Variants in CC2D2A observed in about 807,000 individuals in gnomAD.
The protein encoded by CC2D2A is coiled-coil and C2 domain-containing protein 2A.
In CC2D2A, 155 loss-of-function variants were observed where a neutral mutation model predicts 212.9. The ratio of observed to expected loss-of-function variants is 0.73; its 90% CI spans 0.64 to 0.83. CC2D2A has a LOEUF of 0.83. CC2D2A is among the 40% of genes least tolerant of loss of function. CC2D2A has a pLI of 0.00. For missense variants in CC2D2A, 1,856 were observed against 1,956.2 expected, an observed-to-expected ratio of 0.95 and a Z score of 0.97; for synonymous variants, 667 against 686.5, an observed-to-expected ratio of 0.97 and a Z score of 0.44.
chr4:15,540,442 C>A (rs762954935), intron 16 of CC2D2A, among the ~76,000 whole-genome samples: 1 of 152,136 alleles, frequency 6.6e-6, no homozygotes, highest in African/African-American at 2.4e-5. Context: ...CTACAATATG[C>A]TGCTGTATTT....
intron 14 of CC2D2A, among the ~76,000 whole-genome samples, 192 bp from the exon 15 acceptor site, chr4:15,536,728 A>G (rs148053270): frequency 5.9e-4 from 90 of 152,264 alleles, no homozygotes; most frequent in African/African-American, 1.9e-3. Context: ...CTTAACTTCT[A>G]TGTGCCTCTG....
At chr4:15,479,422 C>A in intron 3 of CC2D2A, 3 of 1,035,938 alleles carry the variant, frequency 2.9e-6, no homozygotes, top group Non-Finnish European at 2.9e-6. Context: ...AAGATGCCAG[C>A]AGGGGAGGGA....
Position 15,478,729 on chromosome 4 carries a change from A to G in CC2D2A, c.46A>G (p.Ile16Val). ...EKVKIITEEF[I>V]ENDEDADMGR... ...CTTTTGCATTTTCACAAAGGAGTTC[A>G]TTGAAAATGATGAGGATGCAGACAT... The change falls in exon 3 of 37, where the codon ATT (isoleucine) becomes GTT (valine). Residue 16 changes from isoleucine to valine, a missense_variant. By Grantham distance (29) the Ile-to-Val change is conservative. Coordinates refer to ENST00000424120, the MANE Select transcript of CC2D2A (RefSeq NM_001378615.1). The G allele has an allele frequency of 6.4e-7, 1 of 1,553,496 alleles. No individual in the cohort carries two copies. Among genetic ancestry groups the G allele is most frequent in the Non-Finnish European group, 8.7e-7 (1 of 1,147,930 alleles).
chr4:15,515,189 T>C (rs1434826070), intron 9 of CC2D2A, among the ~76,000 whole-genome samples: 1 of 152,182 alleles, frequency 6.6e-6, no homozygotes, highest in East Asian at 1.9e-4. Flanking sequence ...CTTCCCTAAG[T>C]CACCATCTCC....
Position 15,560,596 on chromosome 4 carries a change from A to C in CC2D2A, c.2988A>C (p.Ile996=), listed in dbSNP as rs1410885818. The C allele has an allele frequency of 6.8e-7, 1 of 1,479,816 alleles. No individual in the cohort carries two copies. The highest frequency in any genetic ancestry group is 9.3e-7 in the Non-Finnish European group (1 of 1,075,088). 91.7% of individuals were successfully genotyped at this position (1,479,816 alleles called of 1,614,324 possible). Reference sequence around the variant, plus strand: ...AATATTTTCTTCTTGCTGATATGATAGTAGAAGAAGAAGTTCCCAATATCA... The same window carrying C: ...AATATTTTCTTCTTGCTGATATGATCGTAGAAGAAGAAGTTCCCAATATCA... The part of the protein sequence containing the change: ...AKQYFLLADM[I]VEEEVPNISI... The change falls in exon 23 of 37, where the codon ATA becomes ATC. Residue 996 remains isoleucine (I), a synonymous_variant. Coordinates refer to ENST00000424120, the MANE Select transcript of CC2D2A (RefSeq NM_001378615.1).
intron 13 of CC2D2A, among the ~76,000 whole-genome samples, chr4:15,531,391 T>C (rs143658184): frequency 1.3e-5 from 2 of 152,368 alleles, no homozygotes; most frequent in African/African-American, 4.8e-5. Flanking sequence ...CTCATCATTC[T>C]TTGACCATCA....
At chr4:15,493,067 G>T in intron 4 of CC2D2A, 1 of 361,460 alleles carries the variant, frequency 2.8e-6, no homozygotes, top group Non-Finnish European at 5.4e-6. Flanking sequence ...CAATTTTTGG[G>T]TTCCCCATTT....
At chr4:15,565,535 C>A (rs1373478122) in intron 24 of CC2D2A, among the ~76,000 whole-genome samples, 1 of 151,818 alleles carries the variant, frequency 6.6e-6, no homozygotes, top group East Asian at 1.9e-4. Flanking sequence ...GAAGTGTTAT[C>A]TTCATCTTAA....
chr4:15,567,541 G>A, intron 25 of CC2D2A, 59 bp downstream of exon 25: 2 of 1,454,680 alleles, frequency 1.4e-6, no homozygotes, highest in Non-Finnish European at 1.9e-6. Context: ...AGAAATGACT[G>A]TAAACTTCAT....
chr4:15,486,429 TAGA>T (rs1163399356), intron 4 of CC2D2A, among the ~76,000 whole-genome samples: 2 of 152,012 alleles, frequency 1.3e-5, no homozygotes, highest in Non-Finnish European at 2.9e-5. Context: ...TCTAGCTTTC[TAGA>T]AGAAATGTAT....
chr4:15,557,344 G>T lies in CC2D2A; in HGVS notation c.2666G>T (p.Arg889Ile). The T allele has an allele frequency of 6.2e-7, 1 of 1,613,578 alleles. No homozygotes were observed. The highest frequency in any genetic ancestry group is 8.5e-7 in the Non-Finnish European group (1 of 1,179,688). The change falls in exon 21 of 37, where the codon AGA becomes ATA. Residue 889 changes from arginine to isoleucine, a missense_variant. By Grantham distance (97) the Arg-to-Ile change is moderately conservative. Coordinates refer to ENST00000424120, the MANE Select transcript of CC2D2A (RefSeq NM_001378615.1). ...SGESYVPDFF[R>I]LEQLQQEFNF... ...GAATCCTATGTCCCTGATTTCTTTA[G>T]ACTGGAGCAGCTGCAACAGGAGTTT...
intron 33 of CC2D2A, among the ~76,000 whole-genome samples, chr4:15,591,895 AAAGAACATTCT>A (rs1721123376): frequency 6.6e-6 from 1 of 152,206 alleles, no homozygotes; most frequent in Non-Finnish European, 1.5e-5. Context: ...TGTGAGGAAG[AAAGAACATTCT>A]TTTCTCCTCT....
In CC2D2A at chr4:15,555,189, C is replaced by T. The variant is rs763477348; in HGVS notation, c.2604C>T (p.Ala868=). Reference sequence around the variant, plus strand: ...TCGACCCAAATGACCCCAACAATGCCCCTTTGATGCAGCTTATCTCGGTAT... The same window carrying T: ...TCGACCCAAATGACCCCAACAATGCTCCTTTGATGCAGCTTATCTCGGTAT... ...SKLDPNDPNN[A]PLMQLISVAT... Residue 868 remains alanine (A), a synonymous_variant, in exon 20 of 37, where the codon GCC becomes GCT. Coordinates refer to ENST00000424120, the MANE Select transcript of CC2D2A (RefSeq NM_001378615.1). The T allele has an allele frequency of 1.9e-6, 3 of 1,613,540 alleles. No homozygotes were observed. Among genetic ancestry groups the T allele is most frequent in the South Asian group, 1.1e-5 (1 of 91,018 alleles).
At chr4:15,583,976 A>AAAAGT (rs1720759182) in intron 30 of CC2D2A, among the ~76,000 whole-genome samples, 1 of 147,830 alleles carries the variant, frequency 6.8e-6, no homozygotes. Context: ...AAAAGAAAAG[A>AAAAGT]AAATTACAAA....
chr4:15,521,532 C>G (rs922426672), intron 11 of CC2D2A, among the ~76,000 whole-genome samples: 1 of 152,104 alleles, frequency 6.6e-6, no homozygotes, highest in African/African-American at 2.4e-5. Context: ...TACTTCCAAA[C>G]AGACTTTCCA....
intron 6 of CC2D2A, among the ~76,000 whole-genome samples, chr4:15,509,841 A>G (rs1288856182): frequency 6.6e-6 from 1 of 152,206 alleles, no homozygotes; most frequent in East Asian, 1.9e-4. Flanking sequence ...ACTTTTCTAA[A>G]TACCATAGCA....
chr4:15,554,577 C>T (rs1207444263), intron 19 of CC2D2A, among the ~76,000 whole-genome samples: 4 of 152,194 alleles, frequency 2.6e-5, no homozygotes. Flanking sequence ...TTGGGTGGCT[C>T]AGGCATGAGA....
rs764038184 is a variant in CC2D2A, at chr4:15,550,946, G to C, written c.2304G>C (p.Gln768His). Residue 768 changes from glutamine (Q) to histidine (H), a missense_variant, in exon 18 of 37, where the codon CAG (glutamine) becomes CAC (histidine). Physicochemically the swap from Gln to His is conservative, Grantham distance 24 (BLOSUM62 0). Transcript: ENST00000424120. ...AAGAAGTGGAGTTTAGCAGTAATCA[G>C]CATGTGACACTGGACCACGAGGGAG... ...PTEEVEFSSN[Q>H]HVTLDHEGVG... The C allele has an allele frequency of 6.2e-7, 1 of 1,604,548 alleles. No homozygotes were observed. The highest frequency in any genetic ancestry group is 2.2e-5 in the East Asian group (1 of 44,782).
intron 4 of CC2D2A, among the ~76,000 whole-genome samples, chr4:15,486,031 ATGT>A (rs909067541): frequency 1.3e-5 from 2 of 152,082 alleles, no homozygotes; most frequent in Non-Finnish European, 2.9e-5. Context: ...ATGAAGAATG[ATGT>A]TGTTAATTTA....
Sources: gnomAD v4.1 joint callset for allele counts (sites outside exome capture counted in the v4.1 genomes callset) on GRCh38, gnomAD v4.1.1 for gene constraint, MANE v1.5 for transcripts, NCBI Gene and HGNC (gene_info 2026-07-23, HGNC 2026-07-21) for gene names.